The following DLG2 variants were observed in gnomAD, a reference collection of about 807,000 sequenced individuals.
The protein encoded by DLG2 is discs large MAGUK scaffold protein 2, also known as disks large homolog 2.
Under a neutral mutation model 132.5 loss-of-function variants are expected in DLG2, and 45 were observed. The ratio of observed to expected loss-of-function variants is 0.34; its 90% CI spans 0.27 to 0.44. The LOEUF (loss-of-function observed/expected upper bound fraction) is 0.44. Ranked by LOEUF, DLG2 falls within the 20% of genes least tolerant of loss-of-function variation. DLG2 has a pLI of 1.00. For synonymous variants in DLG2, 424 were observed against 419.6 expected, an observed-to-expected ratio of 1.01 and a Z score of -0.13; for missense variants, 1,045 against 1,196.9, an observed-to-expected ratio of 0.87 and a Z score of 1.87.
chr11:84,853,868 C>T (rs2082454758), intron 6 of DLG2, among the ~76,000 whole-genome samples: 2 of 152,006 alleles, frequency 1.3e-5, no homozygotes, highest in Non-Finnish European at 2.9e-5. Flanking sequence ...GTAAAGCAAG[C>T]TGACTGAATA....
intron 6 of DLG2, among the ~76,000 whole-genome samples, chr11:84,649,455 T>C (rs974901028): frequency 6.6e-6 from 1 of 152,140 alleles, no homozygotes; most frequent in Non-Finnish European, 1.5e-5. Flanking sequence ...GGCTGTGTAA[T>C]GAATAGGATG....
intron 26 of DLG2, among the ~76,000 whole-genome samples, chr11:83,463,073 C>A (rs2090336231): frequency 6.6e-6 from 1 of 152,118 alleles, no homozygotes; most frequent in South Asian, 2.1e-4. Context: ...GGGTCTGGAA[C>A]ATCTGGCCTT....
chr11:84,397,567 C>T (rs1021980238), intron 7 of DLG2, among the ~76,000 whole-genome samples: 15 of 152,166 alleles, frequency 9.9e-5, no homozygotes, highest in Non-Finnish European at 1.6e-4. Flanking sequence ...TTTTGGCAAT[C>T]TTAGAAGTCA....
intron 6 of DLG2, among the ~76,000 whole-genome samples, chr11:84,827,643 A>G (rs1239066786): frequency 2.1e-5 from 3 of 140,604 alleles, no homozygotes; most frequent in Admixed American, 7.5e-5. Context: ...CACTGGGAAC[A>G]TGATAATAAG....
intron 6 of DLG2, among the ~76,000 whole-genome samples, chr11:84,993,409 T>C (rs2057331232): frequency 6.6e-6 from 1 of 152,162 alleles, no homozygotes; most frequent in Non-Finnish European, 1.5e-5. Flanking sequence ...AGCCAAAAAC[T>C]ATCTTGGAAG....
chr11:83,714,377 T>C (rs139334618), intron 18 of DLG2, among the ~76,000 whole-genome samples: 1 of 152,284 alleles, frequency 6.6e-6, no homozygotes, highest in East Asian at 1.9e-4. Flanking sequence ...ATGTGCATTA[T>C]CTACTTTAAT....
At chr11:85,144,752 T>C (rs1171183792) in intron 5 of DLG2, among the ~76,000 whole-genome samples, 1 of 152,064 alleles carries the variant, frequency 6.6e-6, no homozygotes, top group Non-Finnish European at 1.5e-5. Context: ...GACTTTTAGT[T>C]GTTTCTATAT....
intron 3 of DLG2, among the ~76,000 whole-genome samples, chr11:85,483,095 G>A (rs991451220): frequency 2.6e-5 from 4 of 152,106 alleles, no homozygotes; most frequent in Non-Finnish European, 4.4e-5. Flanking sequence ...ACAGATACAG[G>A]CCTCCAGTCA....
chr11:85,023,092 T>C (rs181317552), intron 6 of DLG2, among the ~76,000 whole-genome samples: 25 of 151,964 alleles, frequency 1.6e-4, no homozygotes, highest in African/African-American at 4.6e-4. Flanking sequence ...AATGAAAAGT[T>C]AGGAGTTTTT....
At chr11:85,454,629 T>G (rs2092360616) in intron 3 of DLG2, among the ~76,000 whole-genome samples, 1 of 152,200 alleles carries the variant, frequency 6.6e-6, no homozygotes, top group Non-Finnish European at 1.5e-5. Flanking sequence ...AGAATGGTAT[T>G]TCCTAGGTTT....
intron 6 of DLG2, among the ~76,000 whole-genome samples, chr11:84,975,643 T>G (rs1179809657): frequency 6.8e-6 from 1 of 147,564 alleles, no homozygotes; most frequent in East Asian, 2.1e-4. Flanking sequence ...TATTCAGAAT[T>G]TTTTTGTTAT....
intron 6 of DLG2, among the ~76,000 whole-genome samples, chr11:84,655,708 GACCAAA>G (rs1565574863): frequency 6.6e-6 from 1 of 150,530 alleles, no homozygotes; most frequent in Admixed American, 6.6e-5. Flanking sequence ...GTAAAATGAT[GACCAAA>G]CTGTACTTTG....
At chr11:85,388,922 G>A (rs1414664776) in intron 3 of DLG2, among the ~76,000 whole-genome samples, 1 of 152,070 alleles carries the variant, frequency 6.6e-6, no homozygotes, top group Non-Finnish European at 1.5e-5. Context: ...AACAATTCTG[G>A]TAATATGACA....
intron 3 of DLG2, among the ~76,000 whole-genome samples, chr11:85,386,187 CTG>C (rs1054208989): frequency 3.3e-5 from 5 of 152,182 alleles, no homozygotes; most frequent in African/African-American, 1.2e-4. Flanking sequence ...CACATTCTAG[CTG>C]TGTGATTTCA....
intron 6 of DLG2, among the ~76,000 whole-genome samples, chr11:84,885,582 T>C (rs1419184149): frequency 1.3e-5 from 2 of 152,114 alleles, no homozygotes; most frequent in Non-Finnish European, 2.9e-5. Flanking sequence ...TGCATATTAC[T>C]GGCTCTGTGA....
intron 3 of DLG2, among the ~76,000 whole-genome samples, chr11:85,491,751 C>A (rs1565576486): frequency 6.6e-6 from 1 of 151,876 alleles, no homozygotes; most frequent in Non-Finnish European, 1.5e-5. Context: ...TAATGGAAGT[C>A]ACAAATAAAT....
At chr11:83,747,192 G>T (rs2092971189) in intron 18 of DLG2, among the ~76,000 whole-genome samples, 1 of 152,068 alleles carries the variant, frequency 6.6e-6, no homozygotes, top group South Asian at 2.1e-4. Context: ...TTCATGTGGA[G>T]AACTGTTATG....
At chr11:83,863,789 A>T (rs2061832226) in intron 16 of DLG2, among the ~76,000 whole-genome samples, 2 of 152,170 alleles carry the variant, frequency 1.3e-5, no homozygotes, top group African/African-American at 4.8e-5. Context: ...ATTTAAATGA[A>T]GTTACAGATA....
chr11:85,383,800 A>G (rs1384466979), intron 3 of DLG2, among the ~76,000 whole-genome samples: 1 of 152,132 alleles, frequency 6.6e-6, no homozygotes, highest in African/African-American at 2.4e-5. Context: ...CAATCTTTCC[A>G]ATTTTACAGC....
Sources: gnomAD v4.1 joint callset for allele counts (sites outside exome capture counted in the v4.1 genomes callset) on GRCh38, gnomAD v4.1.1 for gene constraint, MANE v1.5 for transcripts, NCBI Gene and HGNC (gene_info 2026-07-23, HGNC 2026-07-21) for gene names.